The following LCA5 variants were observed in gnomAD, a reference collection of about 807,000 sequenced individuals.
LCA5 encodes lebercilin.
LCA5 carries 37 observed loss-of-function variants against 53.0 expected under a neutral mutation model. That is an observed-to-expected ratio of 0.70 (90% confidence interval 0.54 to 0.92). LCA5 has a LOEUF of 0.92. LCA5 is among the 40% of genes least tolerant of loss of function. LCA5 has a pLI of 0.00. For missense variants in LCA5, 806 were observed against 790.5 expected (o/e 1.02, Z -0.23); for synonymous variants, 303 against 282.9 (o/e 1.07, Z -0.71).
chr6:79,521,087 A>C (rs189420336), intron 1 of LCA5, among the ~76,000 whole-genome samples: 28 of 152,196 alleles, frequency 1.8e-4, no homozygotes, highest in Non-Finnish European at 3.5e-4. Context: ...CTAATTTTTA[A>C]TTTTATTTAA....
upstream of LCA5, among the ~76,000 whole-genome samples, chr6:79,538,037 T>TTTTTTTTTTG (rs1368285113): frequency 7.2e-6 from 1 of 139,096 alleles, no homozygotes; most frequent in Non-Finnish European, 1.5e-5. Flanking sequence ...TTTTTTTTTT[T>TTTTTTTTTTG]TTTTTTTTTT....
chr6:79,538,300 C>T (rs112464383), upstream of LCA5, among the ~76,000 whole-genome samples: 446 of 152,132 alleles, frequency 2.9e-3, no homozygotes, highest in Non-Finnish European at 4.9e-3. Flanking sequence ...TATTTGAAGG[C>T]AAATGCGTTT....
In LCA5 at chr6:79,513,242, T is replaced by A; in HGVS notation, c.690A>T (p.Leu230Phe). Reference sequence around the variant, plus strand: ...TTCTTCTCTCGGTGTCATCTAACTTTAACTCTGCTGAAACTAGTTTCTTTG... The same window carrying A: ...TTCTTCTCTCGGTGTCATCTAACTTAAACTCTGCTGAAACTAGTTTCTTTG... ...DLAKKLVSAELKLDDTERRIK... is the reference protein window; with the variant it reads ...DLAKKLVSAEFKLDDTERRIK... Residue 230 changes from leucine (L) to phenylalanine (F), a missense_variant, in exon 3 of 8, where the codon TTA becomes TTT. Transcript: ENST00000369846. The A allele has an allele frequency of 1.2e-6, 2 of 1,613,672 alleles. No individual in the cohort carries two copies. Among genetic ancestry groups the A allele is most frequent in the Non-Finnish European group, 1.7e-6 (2 of 1,179,738 alleles).
In LCA5 at chr6:79,533,334, T is replaced by C. The variant is rs1192023198; in HGVS notation, c.-192+3831A>G. The stretch of plus-strand genomic sequence containing the variant: ...CAAGAATCAATCAGTTAACAGTTGT[T>C]CGTTGCAGGAGGAGGGGGGAGCGAG... On this transcript the variant is annotated intron_variant, in intron 1 of 7. Coordinates refer to ENST00000369846, the MANE Select transcript of LCA5 (RefSeq NM_001122769.3). Among the ~76,000 whole-genome samples, 3 of 152,064 alleles carry C rather than the reference T, an allele frequency of 2.0e-5. No homozygotes were observed. The East Asian group carries it at 5.8e-4, about 29-fold the overall frequency.
chr6:79,520,824 A>C (rs1766602878), intron 1 of LCA5, among the ~76,000 whole-genome samples: 1 of 152,222 alleles, frequency 6.6e-6, no homozygotes, highest in Admixed American at 6.5e-5. Context: ...TATACAGAGA[A>C]AAGAAAGATG....
chr6:79,528,039 C>A (rs561781907), intron 1 of LCA5, among the ~76,000 whole-genome samples: 1 of 152,298 alleles, frequency 6.6e-6, no homozygotes, highest in Non-Finnish European at 1.5e-5. Flanking sequence ...TCGGTACAAG[C>A]CCTCAACAAG....
intron 3 of LCA5, among the ~76,000 whole-genome samples, chr6:79,498,109 A>G (rs947902219): frequency 6.6e-6 from 1 of 152,092 alleles, no homozygotes; most frequent in Non-Finnish European, 1.5e-5. Flanking sequence ...CTATTCTGAA[A>G]AAATACACAC....
At chr6:79,491,760 T>C (rs1312212839) in intron 5 of LCA5, 30 bp from the exon 6 acceptor site, 1 of 1,595,586 alleles carries the variant, frequency 6.3e-7, no homozygotes, top group Non-Finnish European at 8.6e-7. Flanking sequence ...TAAAAAATTA[T>C]TACAATGAAT....
At chr6:79,495,264 C>A (rs138056863) in intron 3 of LCA5, among the ~76,000 whole-genome samples, 187 of 152,284 alleles carry the variant, frequency 1.2e-3, no homozygotes, top group Middle Eastern at 6.8e-3. Flanking sequence ...TCAACCCTGT[C>A]CATGGAAAAA....
intron 3 of LCA5, among the ~76,000 whole-genome samples, chr6:79,509,797 A>T (rs1255422496): frequency 3.9e-5 from 6 of 152,228 alleles, no homozygotes; most frequent in African/African-American, 1.2e-4. Flanking sequence ...TATAAATCTA[A>T]AACATATACA....
At chr6:79,494,370 C>T (rs1456992315) in intron 3 of LCA5, among the ~76,000 whole-genome samples, 1 of 152,126 alleles carries the variant, frequency 6.6e-6, no homozygotes. Context: ...TAGCCATTTC[C>T]ATCCATGGTC....
At chr6:79,522,558 G>A (rs929497655) in intron 1 of LCA5, among the ~76,000 whole-genome samples, 1 of 152,136 alleles carries the variant, frequency 6.6e-6, no homozygotes, top group Non-Finnish European at 1.5e-5. Flanking sequence ...GAACAAGAGA[G>A]AGGAGAGAAG....
chr6:79,495,622 G>A (rs190200143), intron 3 of LCA5, among the ~76,000 whole-genome samples: 7 of 151,880 alleles, frequency 4.6e-5, no homozygotes, highest in East Asian at 3.9e-4. Context: ...GTGGTGGCAC[G>A]CGCCTGTAGT....
At chr6:79,501,315 A>C (rs779019971) in intron 3 of LCA5, among the ~76,000 whole-genome samples, 8 of 152,098 alleles carry the variant, frequency 5.3e-5, no homozygotes, top group Non-Finnish European at 1.0e-4. Context: ...CATTCTTTTA[A>C]GAAACACTAA....
At chr6:79,520,660 G>GT (rs1408027398) in intron 1 of LCA5, among the ~76,000 whole-genome samples, 1 of 152,134 alleles carries the variant, frequency 6.6e-6, no homozygotes, top group Non-Finnish European at 1.5e-5. Flanking sequence ...TAGCACTATT[G>GT]TAAGTAGAAA....
intron 2 of LCA5, among the ~76,000 whole-genome samples, chr6:79,516,514 A>T (rs1426136211): frequency 1.3e-5 from 2 of 151,998 alleles, no homozygotes; most frequent in African/African-American, 4.8e-5. Context: ...CAGATAAAAA[A>T]GGGTTTCCAT....
chr6:79,498,551 AC>A (rs1770046088), intron 3 of LCA5, among the ~76,000 whole-genome samples: 1 of 152,172 alleles, frequency 6.6e-6, no homozygotes, highest in Non-Finnish European at 1.5e-5. Context: ...AAGATAAAAT[AC>A]ATTCAGACAA....
intron 3 of LCA5, 66 bp from the exon 4 acceptor site, chr6:79,493,816 G>A: frequency 8.0e-7 from 1 of 1,244,034 alleles, no homozygotes; most frequent in South Asian, 1.3e-5. Context: ...ATAACACATG[G>A]CAGTGTCAAA....
rs557244940 is a variant in LCA5 at position 79,486,382 on chromosome 6, A to T, written c.*622T>A. On this transcript the variant is annotated 3_prime_UTR_variant, in exon 8 of 8. Transcript: ENST00000369846. ...CAACATAATATTCTAACAGAATTGT[A>T]GGTAAGTGATTTCAGTAAATACTGA... is the stretch of plus-strand genomic sequence containing the variant. 5.9e-5 allele frequency: 9 copies of T among 152,398 alleles called. No homozygotes were observed. The highest frequency in any genetic ancestry group is 2.2e-4 in the African/African-American group (9 of 41,586). The allele number at this position is 152,398 out of a possible 1,614,324, so 9.4% of individuals were successfully genotyped here.
Sources: allele counts gnomAD v4.1 joint callset (sites outside exome capture counted in the v4.1 genomes callset), GRCh38; gene constraint gnomAD v4.1.1; transcripts MANE v1.5; gene names NCBI Gene and HGNC (gene_info 2026-07-23, HGNC 2026-07-21).